NALF1: variants seen among roughly 807,000 people sequenced by gnomAD.
The protein encoded by NALF1 is NALCN channel auxiliary factor 1, also known as family with sequence similarity 155 member A.
A neutral mutation model predicts 48.4 loss-of-function variants in NALF1; 3 were observed. The observed-to-expected ratio is 0.06, with a 90% CI of 0.03 to 0.16. NALF1 has a LOEUF of 0.16. Among genes scored for constraint, NALF1 ranks in the 10% least tolerant of loss-of-function variants. The pLI is 1.00. For synonymous variants in NALF1, 262 were observed against 245.7 expected (o/e 1.07, Z -0.62); for missense variants, 526 against 571.5 (o/e 0.92, Z 0.81).
At chr13:107,503,827 C>T (rs562777612) in intron 1 of NALF1, among the ~76,000 whole-genome samples, 41 of 148,466 alleles carry the variant, frequency 2.8e-4, no homozygotes, top group African/African-American at 1.0e-3. Context: ...GAAGACCCTG[C>T]CATTTGCCAC....
Position 107,527,268 on chromosome 13 carries a change from C to T in NALF1, c.916-316513G>A, listed in dbSNP as rs116227069. ...TCTGCTGATCTCTCTCTAGGCTTACCTTGGCTCCTTTGTGATAAATTAACA... is the reference window on the plus strand; with the variant it reads ...TCTGCTGATCTCTCTCTAGGCTTACTTTGGCTCCTTTGTGATAAATTAACA... On this transcript the variant is annotated intron_variant, in intron 1 of 2. Transcript: ENST00000375915. Among the ~76,000 whole-genome samples the T allele has an allele frequency of 4.6e-3, 705 of 152,104 alleles. 3 individuals carry two copies. Among genetic ancestry groups the T allele is most frequent in the African/African-American group, 0.016 (646 of 41,516 alleles).
intron 1 of NALF1, among the ~76,000 whole-genome samples, chr13:107,668,462 T>C (rs199631512): frequency 1.3e-5 from 2 of 151,974 alleles, no homozygotes; most frequent in East Asian, 1.9e-4. Flanking sequence ...CAGCTTCAAC[T>C]TCTCTAGGGA....
chr13:107,470,362 A>G (rs982488360), intron 1 of NALF1, among the ~76,000 whole-genome samples: 4 of 152,246 alleles, frequency 2.6e-5, no homozygotes, highest in Non-Finnish European at 4.4e-5. Flanking sequence ...CAGGCAGAAC[A>G]TAAGTCTCAT....
chr13:107,172,845 T>C (rs1296242631), intron 2 of NALF1, among the ~76,000 whole-genome samples: 1 of 152,164 alleles, frequency 6.6e-6, no homozygotes, highest in Non-Finnish European at 1.5e-5. Flanking sequence ...TCTTCCAAAC[T>C]TGCTCAGAAA....
intron 1 of NALF1, among the ~76,000 whole-genome samples, chr13:107,298,001 T>C (rs1295751142): frequency 6.6e-6 from 1 of 152,080 alleles, no homozygotes; most frequent in Non-Finnish European, 1.5e-5. Flanking sequence ...CACCCAAATA[T>C]CTCCCATACT....
At chr13:107,776,028 C>T (rs1163960713) in intron 1 of NALF1, among the ~76,000 whole-genome samples, 1 of 152,224 alleles carries the variant, frequency 6.6e-6, no homozygotes, top group East Asian at 1.9e-4. Flanking sequence ...AACTGTACAA[C>T]TTGCTGGCTT....
At chr13:107,453,226 C>T (rs1320497857) in intron 1 of NALF1, among the ~76,000 whole-genome samples, 4 of 152,218 alleles carry the variant, frequency 2.6e-5, no homozygotes, top group Non-Finnish European at 4.4e-5. Context: ...ACTACAACCC[C>T]CCATATCCCT....
chr13:107,847,810 T>G (rs1489448210), intron 1 of NALF1, among the ~76,000 whole-genome samples: 1 of 152,176 alleles, frequency 6.6e-6, no homozygotes, highest in African/African-American at 2.4e-5. Context: ...TCCACATTTC[T>G]GACCCACAGA....
chr13:107,526,000 C>T (rs1876422464), intron 1 of NALF1, among the ~76,000 whole-genome samples: 1 of 151,988 alleles, frequency 6.6e-6, no homozygotes, highest in Admixed American at 6.6e-5. Context: ...GTTTTCTAAA[C>T]CATTGAGTTT....
chr13:107,563,353 A>G (rs1215698310), intron 1 of NALF1, among the ~76,000 whole-genome samples: 1 of 152,166 alleles, frequency 6.6e-6, no homozygotes, highest in Non-Finnish European at 1.5e-5. Flanking sequence ...CCTACTGCCG[A>G]AAGTGTGATA....
intron 1 of NALF1, among the ~76,000 whole-genome samples, chr13:107,765,122 T>C (rs1012580363): frequency 3.9e-5 from 6 of 152,084 alleles, no homozygotes; most frequent in Middle Eastern, 3.2e-3. Context: ...GGAAAGAAAA[T>C]ATGTTGCTAG....
At chr13:107,417,171 T>G (rs1322795648) in intron 1 of NALF1, among the ~76,000 whole-genome samples, 5 of 152,268 alleles carry the variant, frequency 3.3e-5, no homozygotes, top group Admixed American at 6.5e-5. Context: ...ACATCATTTC[T>G]AATAATGCAG....
intron 1 of NALF1, among the ~76,000 whole-genome samples, chr13:107,241,940 A>G (rs887014766): frequency 6.6e-6 from 1 of 152,186 alleles, no homozygotes; most frequent in African/African-American, 2.4e-5. Flanking sequence ...GCAGCAAAGC[A>G]TCTCATAAAA....
At chr13:107,829,658 T>A (rs973824885) in intron 1 of NALF1, among the ~76,000 whole-genome samples, 6 of 152,164 alleles carry the variant, frequency 3.9e-5, no homozygotes, top group Non-Finnish European at 7.3e-5. Flanking sequence ...TTATTGTTGC[T>A]TCAGAACAAT....
chr13:107,711,493 G>A (rs1459258402), intron 1 of NALF1, among the ~76,000 whole-genome samples: 4 of 152,236 alleles, frequency 2.6e-5, no homozygotes, highest in Admixed American at 2.6e-4. Flanking sequence ...GCACCACCAC[G>A]CCCGGCTAAT....
At chr13:107,292,821 T>C (rs1223916623) in intron 1 of NALF1, among the ~76,000 whole-genome samples, 1 of 152,170 alleles carries the variant, frequency 6.6e-6, no homozygotes, top group Non-Finnish European at 1.5e-5. Flanking sequence ...AAAGATTATA[T>C]ACTGTATATA....
At chr13:107,514,229 T>G (rs1277104971) in intron 1 of NALF1, among the ~76,000 whole-genome samples, 1 of 152,210 alleles carries the variant, frequency 6.6e-6, no homozygotes, top group African/African-American at 2.4e-5. Context: ...ATTTTCCTCT[T>G]CTTAATCTCT....
At chr13:107,698,378 T>G (rs1475000359) in intron 1 of NALF1, among the ~76,000 whole-genome samples, 1 of 152,124 alleles carries the variant, frequency 6.6e-6, no homozygotes, top group Non-Finnish European at 1.5e-5. Flanking sequence ...GCAATTCTAA[T>G]CTAAGCTTTA....
chr13:107,611,516 A>G (rs746870708), intron 1 of NALF1, among the ~76,000 whole-genome samples: 1 of 152,122 alleles, frequency 6.6e-6, no homozygotes, highest in Admixed American at 6.5e-5. Context: ...AAACAAGGAA[A>G]TCTTGTCATA....
Sources: gnomAD v4.1 joint callset for allele counts (sites outside exome capture counted in the v4.1 genomes callset) on GRCh38, gnomAD v4.1.1 for gene constraint, MANE v1.5 for transcripts, NCBI Gene and HGNC (gene_info 2026-07-23, HGNC 2026-07-21) for gene names.